The following SBF2 variants were observed in gnomAD, a reference collection of about 807,000 sequenced individuals.
SBF2 encodes the protein myotubularin-related protein 13.
SBF2 carries 112 observed loss-of-function variants against 225.2 expected under a neutral mutation model. The ratio of observed to expected loss-of-function variants is 0.50; its 90% CI spans 0.43 to 0.58. SBF2 has a LOEUF of 0.58. Ranked by LOEUF, SBF2 falls within the 20% of genes least tolerant of loss-of-function variation. The pLI, the probability that SBF2 is intolerant of heterozygous loss-of-function variation, is 0.00. For synonymous variants in SBF2, 763 were observed against 773.3 expected, an observed-to-expected ratio of 0.99 and a Z score of 0.22; for missense variants, 1,996 against 2,206.2, an observed-to-expected ratio of 0.90 and a Z score of 1.91.
chr11:10,080,376 C>A (rs4509749), intron 2 of SBF2, among the ~76,000 whole-genome samples: 2 of 151,154 alleles, frequency 1.3e-5, no homozygotes, highest in South Asian at 4.2e-4. Flanking sequence ...CCGGTCCTAT[C>A]AAAAAAACTC....
At chr11:10,162,527 A>AT (rs1313128425) in intron 2 of SBF2, among the ~76,000 whole-genome samples, 2 of 152,192 alleles carry the variant, frequency 1.3e-5, no homozygotes, top group Non-Finnish European at 2.9e-5. Context: ...ATTTAAAAAG[A>AT]TATCAGAATG....
chr11:10,055,547 AC>A (rs1950225985), intron 2 of SBF2, among the ~76,000 whole-genome samples: 1 of 150,258 alleles, frequency 6.7e-6, no homozygotes, highest in African/African-American at 2.5e-5. Context: ...ACACACACAC[AC>A]ACACACACAC....
rs138289177 is a variant in SBF2, at chr11:10,258,180, T to C, written c.55+35835A>G. On this transcript the variant is annotated intron_variant, in intron 1 of 39. Transcript: ENST00000256190. Reference sequence around the variant, plus strand: ...GAATGAGTGGTGCGATCAAACCTCATTGCATCCTCAAACTCCTGGGCTTAA... The same window carrying C: ...GAATGAGTGGTGCGATCAAACCTCACTGCATCCTCAAACTCCTGGGCTTAA... 2.4e-3 allele frequency among the ~76,000 whole-genome samples: 364 copies of C among 151,724 alleles called. 1 individual carries two copies. Among genetic ancestry groups the C allele is most frequent in the African/African-American group, 8.5e-3 (353 of 41,358 alleles).
upstream of SBF2, among the ~76,000 whole-genome samples, chr11:10,299,207 G>A (rs1013288527): frequency 4.6e-5 from 7 of 151,784 alleles, no homozygotes; most frequent in African/African-American, 9.7e-5. Context: ...GAGTGGTGGC[G>A]GGCACCTGTA....
intron 10 of SBF2, 88 bp from the exon 11 acceptor site, chr11:9,993,191 C>A: frequency 2.2e-6 from 2 of 928,042 alleles, no homozygotes; most frequent in South Asian, 1.4e-5. Context: ...GGCATATATT[C>A]CAAGTCCTTT....
At chr11:10,027,835 G>A (rs887938602) in intron 6 of SBF2, among the ~76,000 whole-genome samples, 1 of 152,188 alleles carries the variant, frequency 6.6e-6, no homozygotes, top group Non-Finnish European at 1.5e-5. Context: ...GGGATGAGAA[G>A]AATGAGACTC....
chr11:10,172,063 T>G (rs1044469181), intron 2 of SBF2, among the ~76,000 whole-genome samples: 1 of 152,126 alleles, frequency 6.6e-6, no homozygotes, highest in African/African-American at 2.4e-5. Flanking sequence ...GGTTTGTCAA[T>G]TTTATCATTA....
At chr11:9,975,129 T>C (rs1946627866) in intron 13 of SBF2, among the ~76,000 whole-genome samples, 1 of 152,142 alleles carries the variant, frequency 6.6e-6, no homozygotes, top group Non-Finnish European at 1.5e-5. Flanking sequence ...AGTTAAATAT[T>C]GTATTACCAT....
chr11:10,178,295 T>C (rs1456769019), intron 2 of SBF2, among the ~76,000 whole-genome samples: 7 of 150,870 alleles, frequency 4.6e-5, no homozygotes, highest in Non-Finnish European at 1.0e-4. Flanking sequence ...AAGGACTTCA[T>C]GTCTAAAACA....
chr11:9,809,783 T>C (rs1401092364), intron 30 of SBF2, among the ~76,000 whole-genome samples: 3 of 151,900 alleles, frequency 2.0e-5, no homozygotes, highest in Non-Finnish European at 4.4e-5. Flanking sequence ...TGACCTCAGG[T>C]AATCCACCTG....
intron 2 of SBF2, among the ~76,000 whole-genome samples, chr11:10,191,337 C>T (rs147188416): frequency 6.6e-6 from 1 of 152,120 alleles, no homozygotes; most frequent in Non-Finnish European, 1.5e-5. Flanking sequence ...TATTGTTGTT[C>T]ATATACAGAA....
intron 12 of SBF2, among the ~76,000 whole-genome samples, chr11:9,990,257 C>T (rs1396178645): frequency 6.6e-6 from 1 of 152,160 alleles, no homozygotes; most frequent in African/African-American, 2.4e-5. Context: ...CTAATAGACT[C>T]ACTGCATAGG....
chr11:10,103,511 C>T (rs1001109322), intron 2 of SBF2, among the ~76,000 whole-genome samples: 1 of 152,082 alleles, frequency 6.6e-6, no homozygotes, highest in Non-Finnish European at 1.5e-5. Context: ...TTATTGTGTG[C>T]CACAAAAGTA....
intron 2 of SBF2, among the ~76,000 whole-genome samples, chr11:10,094,878 T>C (rs1951952089): frequency 6.6e-6 from 1 of 151,436 alleles, no homozygotes. Context: ...TGGGTATCAC[T>C]GACAAGCCTT....
chr11:10,182,675 T>C (rs1472508886), intron 2 of SBF2, among the ~76,000 whole-genome samples: 1 of 152,150 alleles, frequency 6.6e-6, no homozygotes, highest in Non-Finnish European at 1.5e-5. Flanking sequence ...CACCTCAGCC[T>C]CCCAAGTATG....
At chr11:10,141,349 T>A (rs1954634297) in intron 2 of SBF2, among the ~76,000 whole-genome samples, 1 of 152,192 alleles carries the variant, frequency 6.6e-6, no homozygotes, top group African/African-American at 2.4e-5. Flanking sequence ...AGTCATTAGA[T>A]AATTTTTCCA....
At chr11:9,869,675 T>C (rs1306262439) in intron 17 of SBF2, among the ~76,000 whole-genome samples, 1 of 152,092 alleles carries the variant, frequency 6.6e-6, no homozygotes, top group Admixed American at 6.6e-5. Context: ...AAACTGCCAA[T>C]AAACTAGGTA....
chr11:10,283,659 G>C (rs947232358), intron 1 of SBF2, among the ~76,000 whole-genome samples: 1 of 151,780 alleles, frequency 6.6e-6, no homozygotes, highest in African/African-American at 2.4e-5. Flanking sequence ...AATTAACACA[G>C]GTAGTCATTA....
intron 4 of SBF2, among the ~76,000 whole-genome samples, chr11:10,030,318 T>C (rs986623234): frequency 6.6e-6 from 1 of 152,152 alleles, no homozygotes; most frequent in Non-Finnish European, 1.5e-5. Flanking sequence ...AGAGACAAGA[T>C]TGTAAGATTA....
Sources: allele counts gnomAD v4.1 joint callset (sites outside exome capture counted in the v4.1 genomes callset), GRCh38; gene constraint gnomAD v4.1.1; transcripts MANE v1.5; gene names NCBI Gene and HGNC (gene_info 2026-07-23, HGNC 2026-07-21).